PPAT: variants seen among roughly 807,000 people sequenced by gnomAD.
PPAT encodes phosphoribosyl pyrophosphate amidotransferase.
PPAT carries 20 observed loss-of-function variants against 60.2 expected under a neutral mutation model. The observed-to-expected ratio is 0.33, with a 90% CI of 0.23 to 0.48. The LOEUF is 0.48. Ranked by LOEUF, PPAT falls within the 20% of genes least tolerant of loss-of-function variation. The pLI is 0.99. For synonymous variants in PPAT, 194 were observed against 215.1 expected (o/e 0.90, Z 0.86); for missense variants, 349 against 629.6 (o/e 0.55, Z 4.77).
intron 1 of PPAT, among the ~76,000 whole-genome samples, chr4:56,416,659 C>A (rs1249444332): frequency 6.6e-6 from 1 of 152,150 alleles, no homozygotes; most frequent in Non-Finnish European, 1.5e-5. Context: ...AATTTCCGAA[C>A]TTTACTCTTT....
At chr4:56,413,735 A>G (rs1716583931) in intron 1 of PPAT, among the ~76,000 whole-genome samples, 1 of 151,974 alleles carries the variant, frequency 6.6e-6, no homozygotes, top group Admixed American at 6.6e-5. Context: ...GTCTCTACTA[A>G]AAATACAAAA....
chr4:56,396,788 CTTTCA>C lies in PPAT; in HGVS notation c.1237-54_1237-50del, dbSNP rs774738569. 2.6e-6 allele frequency: 4 copies of C among 1,563,864 alleles called. No individual in the cohort carries two copies. The East Asian group carries it at 9.1e-5, about 35-fold the overall frequency. ...AAGGTTTTTAAGACTATGCAAAATT[CTTTCA>C]TTGTGCAAATACAATACAAAATTGT... is the stretch of plus-strand genomic sequence containing the variant. On this transcript the variant is annotated intron_variant, in intron 9 of 10. Coordinates refer to ENST00000264220, the MANE Select transcript of PPAT (RefSeq NM_002703.5). This position sits in a 1 kb window ranked among gnomAD's most constrained non-coding sequence, Gnocchi z 4.6.
intron 7 of PPAT, 128 bp downstream of exon 7, chr4:56,401,202 C>A (rs1348240203): frequency 1.1e-4 from 102 of 925,362 alleles, no homozygotes; most frequent in Non-Finnish European, 7.2e-5. Context: ...TGGGCTCAGT[C>A]CTATATCCAC....
chr4:56,399,200 G>A lies in PPAT; in HGVS notation c.1215C>T (p.Leu405=), dbSNP rs1281630838. The A allele has an allele frequency of 1.2e-6, 2 of 1,610,966 alleles. No individual in the cohort carries two copies. The highest frequency in any genetic ancestry group is 1.7e-6 in the Non-Finnish European group (2 of 1,177,466). Residue 405 remains leucine, a synonymous_variant, in exon 9 of 11, where the codon CTC becomes CTT. Transcript: ENST00000264220. ...TTACCTCTTTTGCACCAGATTCTTTGAGCAGTTTTATTATAGGTGAGATGG... is the reference window on the plus strand; with the variant it reads ...TTACCTCTTTTGCACCAGATTCTTTAAGCAGTTTTATTATAGGTGAGATGG... ...GNTISPIIKL[L]KESGAKEVHI...
At chr4:56,408,559 C>G (rs1308072421) in intron 1 of PPAT, among the ~76,000 whole-genome samples, 1 of 151,756 alleles carries the variant, frequency 6.6e-6, no homozygotes, top group Non-Finnish European at 1.5e-5. Context: ...TCGAGACCAT[C>G]CTGGCTAACA....
Position 56,399,196 on chromosome 4 carries a change from C to A in PPAT, c.1219G>T (p.Glu407Ter), listed in dbSNP as rs756477441. 1.2e-6 allele frequency: 2 copies of A among 1,610,870 alleles called. No homozygotes were observed. Among genetic ancestry groups the A allele is most frequent in the Non-Finnish European group, 1.7e-6 (2 of 1,177,160 alleles). ...TISPIIKLLK[E>*]SGAKEVHIRV... ...TTACTTACCTCTTTTGCACCAGATT[C>A]TTTGAGCAGTTTTATTATAGGTGAG... The change falls in exon 9 of 11, where the codon GAA (glutamate) becomes TAA (stop). Residue 407 changes from glutamate to a stop codon, truncating the protein, a stop_gained. Coordinates refer to ENST00000264220, the MANE Select transcript of PPAT (RefSeq NM_002703.5). LOFTEE classifies it high-confidence loss of function.
At chr4:56,410,627 G>A in intron 1 of PPAT, 3 of 984,952 alleles carry the variant, frequency 3.0e-6, no homozygotes, top group Non-Finnish European at 3.6e-6. Flanking sequence ...AAGAAATAAA[G>A]GAATATTTAT....
At chr4:56,415,072 C>A (rs529324870) in intron 1 of PPAT, among the ~76,000 whole-genome samples, 1 of 152,226 alleles carries the variant, frequency 6.6e-6, no homozygotes, top group East Asian at 1.9e-4. Flanking sequence ...AAGAGCATAT[C>A]TTTTCTTTTT....
At chr4:56,432,781 C>G (rs1259820043) in intron 1 of PPAT, among the ~76,000 whole-genome samples, 2 of 111,710 alleles carry the variant, frequency 1.8e-5, no homozygotes. Flanking sequence ...CAGCGAGACT[C>G]TGTCTCAAAA....
intron 1 of PPAT, chr4:56,431,563 T>C (rs1717585178): frequency 1.0e-6 from 1 of 957,108 alleles, no homozygotes; most frequent in African/African-American, 1.8e-5. Flanking sequence ...ATCTTATAAA[T>C]TTTTAGAAGT....
rs138492190 is a variant in PPAT, at chr4:56,400,844, T to C, written c.954A>G (p.Ala318=). 1.7e-5 allele frequency: 28 copies of C among 1,613,856 alleles called. No individual in the cohort carries two copies. The highest frequency in any genetic ancestry group is 2.2e-5 in the Non-Finnish European group (26 of 1,179,756). Residue 318 remains alanine (A), a synonymous_variant, in exon 8 of 11, where the codon GCA becomes GCG. Transcript: ENST00000264220. ...ATTCTGGAACAGTGCTAACCAAATC[T>C]GCATCCACAGGTGCTTCAATCGCTA... ...QQLAIEAPVD[A]DLVSTVPESA...
At chr4:56,416,660 T>C (rs1033519705) in intron 1 of PPAT, among the ~76,000 whole-genome samples, 1 of 152,196 alleles carries the variant, frequency 6.6e-6, no homozygotes, top group Admixed American at 6.5e-5. Flanking sequence ...ATTTCCGAAC[T>C]TTACTCTTTA....
intron 1 of PPAT, among the ~76,000 whole-genome samples, chr4:56,433,608 G>A (rs1717722810): frequency 6.6e-6 from 1 of 151,732 alleles, no homozygotes; most frequent in Non-Finnish European, 1.5e-5. Context: ...GTGAAGTACA[G>A]TTCATACATA....
chr4:56,413,131 T>C (rs59728939), intron 1 of PPAT, among the ~76,000 whole-genome samples: 2,013 of 142,540 alleles, frequency 0.014, 33 homozygotes, highest in African/African-American at 0.047. Flanking sequence ...TTTGTTGTTG[T>C]TGTTTTTGTC....
chr4:56,435,169 T>C (rs963556933), intron 1 of PPAT, among the ~76,000 whole-genome samples, 181 bp downstream of exon 1: 1 of 152,102 alleles, frequency 6.6e-6, no homozygotes, highest in Non-Finnish European at 1.5e-5. Flanking sequence ...CTAAAGTTCA[T>C]GGAAGCGAGG....
intron 1 of PPAT, among the ~76,000 whole-genome samples, chr4:56,432,997 TTA>T (rs370961590): frequency 8.1e-5 from 12 of 148,400 alleles, no homozygotes; most frequent in African/African-American, 1.2e-4. Context: ...CACACGTATT[TTA>T]TATATATATA....
At chr4:56,411,083 T>A (rs189608347) in intron 1 of PPAT, among the ~76,000 whole-genome samples, 2 of 152,156 alleles carry the variant, frequency 1.3e-5, no homozygotes, top group Non-Finnish European at 2.9e-5. Flanking sequence ...AGAATTTTTT[T>A]AAAAAGAGGT....
At chr4:56,419,551 C>A in intron 1 of PPAT, 1 of 424,912 alleles carries the variant, frequency 2.4e-6, no homozygotes, top group Non-Finnish European at 3.1e-6. Flanking sequence ...AATGTTGCAT[C>A]CAATTATTTA....
At chr4:56,413,966 T>C (rs1716595505) in intron 1 of PPAT, among the ~76,000 whole-genome samples, 1 of 152,214 alleles carries the variant, frequency 6.6e-6, no homozygotes, top group Non-Finnish European at 1.5e-5. Context: ...TATAATGATA[T>C]ACAAATTGGT....
Sources: gnomAD v4.1 joint callset for allele counts (sites outside exome capture counted in the v4.1 genomes callset) on GRCh38, gnomAD v4.1.1 for gene constraint, Gnocchi (gnomAD v3.1) non-coding constraint, MANE v1.5 for transcripts, NCBI Gene and HGNC (gene_info 2026-07-23, HGNC 2026-07-21) for gene names.